Variants in STPG2 observed in about 807,000 individuals in gnomAD.
STPG2 encodes sperm-tail PG-rich repeat-containing protein 2.
In STPG2, 56 loss-of-function variants were observed where a neutral mutation model predicts 54.2. The observed-to-expected ratio is 1.03, with a 90% CI of 0.83 to 1.29. The LOEUF (loss-of-function observed/expected upper bound fraction) is 1.29. Ranked by LOEUF, STPG2 falls within the 50% of genes most tolerant of loss-of-function variation. The pLI, the probability that STPG2 is intolerant of heterozygous loss-of-function variation, is 0.00. For missense variants in STPG2, 596 were observed against 544.9 expected, an observed-to-expected ratio of 1.09 and a Z score of -0.93; for synonymous variants, 200 against 181.8, an observed-to-expected ratio of 1.10 and a Z score of -0.81.
At chr4:98,109,799 A>G (rs1739293340) in intron 3 of STPG2, among the ~76,000 whole-genome samples, 1 of 152,122 alleles carries the variant, frequency 6.6e-6, no homozygotes, top group African/African-American at 2.4e-5. Flanking sequence ...ATTAAACACT[A>G]CCCTAGTTCA....
At chr4:98,097,448 C>G (rs1738893342) in intron 5 of STPG2, among the ~76,000 whole-genome samples, 2 of 152,002 alleles carry the variant, frequency 1.3e-5, no homozygotes, top group African/African-American at 2.4e-5. Flanking sequence ...TAAAAACCCT[C>G]AAAAAACCAG....
At chr4:98,040,568 C>A (rs1258033884) in intron 5 of STPG2, among the ~76,000 whole-genome samples, 4 of 151,306 alleles carry the variant, frequency 2.6e-5, no homozygotes, top group Non-Finnish European at 5.9e-5. Flanking sequence ...CATTTATTGA[C>A]TAAGGACCTT....
At chr4:97,897,233 T>C (rs1730991003) in intron 8 of STPG2, among the ~76,000 whole-genome samples, 1 of 152,112 alleles carries the variant, frequency 6.6e-6, no homozygotes, top group Admixed American at 6.6e-5. Context: ...ACAAAGGACA[T>C]GATCTCATTC....
At chr4:97,917,599 T>A (rs887064062) in intron 8 of STPG2, among the ~76,000 whole-genome samples, 6 of 152,168 alleles carry the variant, frequency 3.9e-5, no homozygotes, top group Non-Finnish European at 7.4e-5. Flanking sequence ...ATAGTAGCAA[T>A]TTCAAATAGA....
At chr4:98,027,426 A>T (rs1736459747) in intron 5 of STPG2, among the ~76,000 whole-genome samples, 1 of 152,184 alleles carries the variant, frequency 6.6e-6, no homozygotes, top group African/African-American at 2.4e-5. Context: ...CTGAAATCTA[A>T]TCTAAATCTC....
At chr4:97,842,878 C>T (rs571204153) in intron 8 of STPG2, among the ~76,000 whole-genome samples, 17 of 151,778 alleles carry the variant, frequency 1.1e-4, no homozygotes, top group Admixed American at 1.3e-4. Context: ...ACTGATGTTC[C>T]CTCCTCTTCC....
At chr4:97,550,666 G>T (rs774737637) in intron 4 of STPG2, among the ~76,000 whole-genome samples, 2 of 152,150 alleles carry the variant, frequency 1.3e-5, no homozygotes, top group African/African-American at 4.8e-5. Context: ...TGAAGCTGCG[G>T]ACCCTTGTGG....
chr4:97,962,137 C>T (rs1202300757), intron 7 of STPG2, among the ~76,000 whole-genome samples: 1 of 152,106 alleles, frequency 6.6e-6, no homozygotes, highest in Non-Finnish European at 1.5e-5. Flanking sequence ...TGTTCTCATT[C>T]ATATGTGAGA....
intron 7 of STPG2, among the ~76,000 whole-genome samples, chr4:97,952,051 G>A (rs1247816218): frequency 6.6e-6 from 1 of 152,074 alleles, no homozygotes; most frequent in Non-Finnish European, 1.5e-5. Context: ...CATTGTTCCA[G>A]TATTCCTGCT....
intron 3 of STPG2, among the ~76,000 whole-genome samples, chr4:98,122,639 T>C (rs1434836986): frequency 6.6e-6 from 1 of 152,162 alleles, no homozygotes; most frequent in Non-Finnish European, 1.5e-5. Context: ...GCCTACAGTT[T>C]TCTTTTTTTG....
chr4:98,024,129 G>A (rs980233298), intron 5 of STPG2, among the ~76,000 whole-genome samples: 10 of 152,164 alleles, frequency 6.6e-5, no homozygotes, highest in Non-Finnish European at 1.5e-4. Flanking sequence ...TGTCACTCAC[G>A]CTGGGAGCTG....
At chr4:97,906,873 A>C in intron 8 of STPG2, among the ~76,000 whole-genome samples, 1 of 152,182 alleles carries the variant, frequency 6.6e-6, no homozygotes, top group Non-Finnish European at 1.5e-5. Context: ...ATCTCAAAAT[A>C]ATAAGAGCTA....
intron 8 of STPG2, among the ~76,000 whole-genome samples, chr4:97,922,252 T>C (rs1732138894): frequency 1.3e-5 from 2 of 152,116 alleles, no homozygotes; most frequent in African/African-American, 2.4e-5. Flanking sequence ...AAACATCACA[T>C]TGTATGTCAT....
At chr4:97,650,359 T>A (rs1722030601) in intron 10 of STPG2, among the ~76,000 whole-genome samples, 1 of 152,106 alleles carries the variant, frequency 6.6e-6, no homozygotes, top group South Asian at 2.1e-4. Flanking sequence ...CTGAGCCAAA[T>A]ATGAGTGACC....
intron 10 of STPG2, among the ~76,000 whole-genome samples, chr4:97,596,407 C>G (rs930408065): frequency 2.6e-5 from 4 of 152,022 alleles, no homozygotes; most frequent in African/African-American, 9.7e-5. Flanking sequence ...GACACTTGAC[C>G]AAGCTACCTA....
rs569829342 is a variant in STPG2 at position 97,779,267 on chromosome 4, G to A, written c.1204+61506C>T. Among the ~76,000 whole-genome samples the A allele has an allele frequency of 5.3e-5, 8 of 152,278 alleles. No homozygotes were observed. The East Asian group carries it at 1.2e-3, about 22-fold the overall frequency. On this transcript the variant is annotated intron_variant, in intron 9 of 10. Transcript: ENST00000295268. ...CTGATGGAACTGAAAGCCATGGCAT[G>A]AGAACTACATGACAAATGTACAAGC...
intron 4 of STPG2, among the ~76,000 whole-genome samples, chr4:97,483,143 T>G (rs1474521952): frequency 6.6e-6 from 1 of 150,950 alleles, no homozygotes; most frequent in African/African-American, 2.4e-5. Context: ...AAAGCAAAAA[T>G]ACAATTTGAA....
intron 3 of STPG2, among the ~76,000 whole-genome samples, chr4:98,112,145 T>C (rs1739382069): frequency 1.3e-5 from 2 of 152,102 alleles, no homozygotes; most frequent in Admixed American, 6.6e-5. Context: ...TATAGTTATG[T>C]ACCACATAAT....
intron 5 of STPG2, among the ~76,000 whole-genome samples, chr4:97,989,524 C>T (rs1325068746): frequency 6.6e-6 from 1 of 152,030 alleles, no homozygotes; most frequent in East Asian, 1.9e-4. Context: ...TAAAATAGAA[C>T]AATTATAATA....
Sources: allele counts gnomAD v4.1 joint callset (sites outside exome capture counted in the v4.1 genomes callset), GRCh38; gene constraint gnomAD v4.1.1; transcripts MANE v1.5; gene names NCBI Gene and HGNC (gene_info 2026-07-23, HGNC 2026-07-21).